Variants in HDAC9 observed in about 807,000 individuals in gnomAD.
The protein encoded by HDAC9 is MEF-2 interacting transcription repressor (MITR) protein.
Under a neutral mutation model 139.4 loss-of-function variants are expected in HDAC9, and 41 were observed. That is an observed-to-expected ratio of 0.29 (90% CI 0.23 to 0.38). The LOEUF is 0.38. HDAC9 is among the 10% of genes least tolerant of loss of function. The pLI, the probability that HDAC9 is intolerant of heterozygous loss-of-function variation, is 1.00. For synonymous variants in HDAC9, 517 were observed against 476.2 expected (o/e 1.09, Z -1.12); for missense variants, 1,147 against 1,297.0 (o/e 0.88, Z 1.78).
chr7:18,574,556 T>A (rs1825388930), intron 2 of HDAC9, among the ~76,000 whole-genome samples: 1 of 152,128 alleles, frequency 6.6e-6, no homozygotes, highest in African/African-American at 2.4e-5. Flanking sequence ...ACCCTCCCCT[T>A]TCTGCCCAGG....
intron 23 of HDAC9, among the ~76,000 whole-genome samples, chr7:18,942,953 TAAAG>T (rs1286156617): frequency 2.6e-5 from 4 of 151,584 alleles, no homozygotes; most frequent in African/African-American, 7.3e-5. Context: ...TAAAAAAAAT[TAAAG>T]AAAATATTGA....
intron 2 of HDAC9, among the ~76,000 whole-genome samples, chr7:18,521,795 T>A (rs1365072639): frequency 1.3e-5 from 2 of 152,178 alleles, no homozygotes; most frequent in Non-Finnish European, 2.9e-5. Context: ...GTATTGTTTT[T>A]AAAAAAACAT....
Position 18,934,513 on chromosome 7 carries a change from T to C in HDAC9, c.2804-1296T>C, listed in dbSNP as rs143467790. Among the ~76,000 whole-genome samples, 581 of 152,338 alleles carry C rather than the reference T, an allele frequency of 3.8e-3. 3 individuals are homozygous for C. The highest frequency in any genetic ancestry group is 0.012 in the African/African-American group (479 of 41,576). On this transcript the variant is annotated intron_variant, in intron 22 of 25. Coordinates refer to ENST00000686413, the MANE Select transcript of HDAC9 (RefSeq NM_178425.4). ...TATTAATTAATGTAACTAACAGCAC[T>C]GTGAAATTATGGGGAAAAGTCTATC... is the stretch of plus-strand genomic sequence containing the variant.
chr7:18,257,929 G>T (rs1160883141), intron 2 of HDAC9, among the ~76,000 whole-genome samples: 1 of 152,208 alleles, frequency 6.6e-6, no homozygotes, highest in Non-Finnish European at 1.5e-5. Flanking sequence ...GTCAGTGTCA[G>T]TTCACACTGC....
chr7:18,577,155 C>T (rs191515719), intron 2 of HDAC9, among the ~76,000 whole-genome samples: 36 of 152,302 alleles, frequency 2.4e-4, no homozygotes, highest in African/African-American at 8.4e-4. Context: ...AGGGAATAAA[C>T]TCAGAGGCTG....
chr7:18,876,031 A>G (rs866841418), intron 22 of HDAC9, among the ~76,000 whole-genome samples: 10 of 152,192 alleles, frequency 6.6e-5, no homozygotes, highest in South Asian at 2.1e-4. Flanking sequence ...GAAAGGTTGT[A>G]ACAAGACTCT....
chr7:18,423,121 A>G (rs1789799201), intron 1 of HDAC9, among the ~76,000 whole-genome samples: 1 of 152,196 alleles, frequency 6.6e-6, no homozygotes, highest in African/African-American at 2.4e-5. Context: ...TTTACAGTCC[A>G]ATTACCTAGA....
chr7:18,606,166 G>T (rs962859194), intron 6 of HDAC9, among the ~76,000 whole-genome samples: 1 of 152,128 alleles, frequency 6.6e-6, no homozygotes, highest in Non-Finnish European at 1.5e-5. Flanking sequence ...TTTTAGCATG[G>T]CAGTTTGCCC....
At chr7:18,460,770 A>T (rs900139042) in intron 1 of HDAC9, among the ~76,000 whole-genome samples, 2 of 150,226 alleles carry the variant, frequency 1.3e-5, no homozygotes, top group East Asian at 3.9e-4. Flanking sequence ...CCTGGACAAC[A>T]AGAGCAAAAC....
intron 11 of HDAC9, among the ~76,000 whole-genome samples, chr7:18,651,599 A>G (rs28459126): frequency 0.051 from 7,694 of 151,898 alleles, 641 homozygotes; most frequent in African/African-American, 0.17. Context: ...GGCATGGGTG[A>G]TGCAAGGATT....
chr7:18,709,938 T>G (rs1784224104), intron 12 of HDAC9, among the ~76,000 whole-genome samples: 1 of 152,294 alleles, frequency 6.6e-6, no homozygotes, highest in South Asian at 2.1e-4. Flanking sequence ...TGTCAGTGTA[T>G]TAGTTTGTTC....
intron 25 of HDAC9, 118 bp downstream of exon 25, chr7:18,976,071 C>G (rs1449237177): frequency 3.0e-6 from 3 of 990,038 alleles, no homozygotes; most frequent in Admixed American, 2.6e-5. Context: ...ACCACCTGTC[C>G]TCTCCAAAGC....
chr7:18,480,736 G>A (rs1398335896), intron 1 of HDAC9, among the ~76,000 whole-genome samples: 1 of 152,102 alleles, frequency 6.6e-6, no homozygotes, highest in Non-Finnish European at 1.5e-5. Flanking sequence ...TGAGTATAAA[G>A]TGATGTTGGT....
intron 1 of HDAC9, among the ~76,000 whole-genome samples, chr7:18,339,481 T>G (rs1781833961): frequency 6.6e-6 from 1 of 151,404 alleles, no homozygotes; most frequent in Admixed American, 6.6e-5. Flanking sequence ...GTTTAAAATA[T>G]TTTTAAAAAA....
chr7:18,503,774 T>C (rs542415558), intron 2 of HDAC9, among the ~76,000 whole-genome samples: 1 of 152,342 alleles, frequency 6.6e-6, no homozygotes, highest in African/African-American at 2.4e-5. Flanking sequence ...TCACCACTTG[T>C]ATCAGAAACT....
intron 13 of HDAC9, among the ~76,000 whole-genome samples, chr7:18,736,777 T>C (rs1786949657): frequency 6.6e-6 from 1 of 152,224 alleles, no homozygotes; most frequent in African/African-American, 2.4e-5. Flanking sequence ...TTCCCTCTTT[T>C]TCTATTTATT....
chr7:18,804,320 G>A (rs545091282), intron 17 of HDAC9, among the ~76,000 whole-genome samples: 13 of 152,188 alleles, frequency 8.5e-5, no homozygotes, highest in East Asian at 1.9e-4. Context: ...AAAGTGAGAT[G>A]AGGTTAGAGA....
chr7:18,641,677 G>A (rs1362523284), intron 8 of HDAC9, among the ~76,000 whole-genome samples: 3 of 152,018 alleles, frequency 2.0e-5, no homozygotes, highest in African/African-American at 4.8e-5. Flanking sequence ...CTGATTTAAG[G>A]GCTGGGCCAG....
intron 1 of HDAC9, among the ~76,000 whole-genome samples, chr7:18,447,453 T>G (rs1165768775): frequency 6.6e-6 from 1 of 152,220 alleles, no homozygotes; most frequent in Non-Finnish European, 1.5e-5. Context: ...TGTCTAGTTT[T>G]ATTATATTGT....
Sources: allele counts gnomAD v4.1 joint callset (sites outside exome capture counted in the v4.1 genomes callset), GRCh38; gene constraint gnomAD v4.1.1; transcripts MANE v1.5; gene names NCBI Gene and HGNC (gene_info 2026-07-23, HGNC 2026-07-21).